KIAA0408: variants seen among roughly 807,000 people sequenced by gnomAD.
KIAA0408 encodes KIAA0408, also known as uncharacterized protein KIAA0408.
In KIAA0408, 51 loss-of-function variants were observed where a neutral mutation model predicts 60.9. The ratio of observed to expected loss-of-function variants is 0.84; its 90% CI spans 0.67 to 1.06. The LOEUF (loss-of-function observed/expected upper bound fraction) is 1.06. KIAA0408 is among the 50% of genes least tolerant of loss of function. KIAA0408 has a pLI of 0.00. For synonymous variants in KIAA0408, 304 were observed against 282.4 expected (o/e 1.08, Z -0.77); for missense variants, 787 against 833.9 (o/e 0.94, Z 0.69).
rs1773347598 is a variant in KIAA0408, at chr6:127,453,971, T to G, written c.11A>C (p.His4Pro). The G allele has an allele frequency of 6.2e-7, 1 of 1,612,420 alleles. No homozygotes were observed. The highest frequency in any genetic ancestry group is 8.5e-7 in the Non-Finnish European group (1 of 1,178,920). MDL[H>P]KQWENTETNW... is the part of the protein sequence containing the mutation. Reference sequence around the variant, plus strand: ...AGTCTCTGTGTTCTCCCACTGCTTATGTAGGTCCATGGCAACAGTGTAAGT... The same window carrying G: ...AGTCTCTGTGTTCTCCCACTGCTTAGGTAGGTCCATGGCAACAGTGTAAGT... Residue 4 changes from histidine to proline, a missense_variant, in exon 2 of 6, where the codon CAT (histidine) becomes CCT (proline). Coordinates refer to ENST00000483725, the MANE Select transcript of KIAA0408 (RefSeq NM_014702.5).
intron 1 of KIAA0408, among the ~76,000 whole-genome samples, chr6:127,456,101 A>G (rs1773387764): frequency 6.6e-6 from 1 of 152,190 alleles, no homozygotes; most frequent in South Asian, 2.1e-4. Context: ...CTTGCTGACT[A>G]GAAAGTATTT....
Position 127,447,678 on chromosome 6 carries a change from G to C in KIAA0408, c.641C>G (p.Pro214Arg). ...PNVTNIPHGD[P>R]MINNDQCILP... Reference sequence around the variant, plus strand: ...AATGCACTGGTCATTGTTGATCATGGGGTCCCCATGAGGTATATTAGTTAC... The same window carrying C: ...AATGCACTGGTCATTGTTGATCATGCGGTCCCCATGAGGTATATTAGTTAC... The change falls in exon 5 of 6, where the codon CCC becomes CGC. Residue 214 changes from proline (P) to arginine (R), a missense_variant. Pro to Arg is a moderately radical substitution (Grantham distance 103). Coordinates refer to ENST00000483725, the MANE Select transcript of KIAA0408 (RefSeq NM_014702.5). 6.3e-7 allele frequency: 1 copy of C among 1,593,918 alleles called. No homozygotes were observed. The highest frequency in any genetic ancestry group is 8.5e-7 in the Non-Finnish European group (1 of 1,173,906).
At chr6:127,452,511 A>G (rs528962903) in intron 2 of KIAA0408, among the ~76,000 whole-genome samples, 1 of 152,320 alleles carries the variant, frequency 6.6e-6, no homozygotes, top group African/African-American at 2.4e-5. Flanking sequence ...AATATTTACC[A>G]TAGATGAACT....
At position 127,444,184 on chromosome 6, in the gene KIAA0408, T is replaced by C; in HGVS notation, c.2010A>G (p.Pro670=). 1 of 1,613,682 alleles carries C rather than the reference T, an allele frequency of 6.2e-7. No homozygotes were observed. Among genetic ancestry groups the C allele is most frequent in the Non-Finnish European group, 8.5e-7 (1 of 1,179,770 alleles). The change falls in exon 6 of 6, where the codon CCA becomes CCG. Residue 670 remains proline (P), a synonymous_variant. Transcript: ENST00000483725. The part of the protein sequence containing the change: ...RLPSRWASRS[P]SAPPALRRTT... ...TTCTCCGCAAGGCAGGGGGTGCAGA[T>C]GGAGATCTGGATGCCCATCTGGAGG...
chr6:127,458,210 A>G (rs892594169), intron 1 of KIAA0408, among the ~76,000 whole-genome samples: 1 of 152,298 alleles, frequency 6.6e-6, no homozygotes, highest in Non-Finnish European at 1.5e-5. Flanking sequence ...TAAATTCTCT[A>G]TCCCTTTCTC....
chr6:127,446,541 G>T lies in KIAA0408; in HGVS notation c.1778C>A (p.Ser593Tyr). ...TAATGTGGCACCACCACTGACATCA[G>T]AATTACATTTGGTCCAATTATCCTG... The part of the protein sequence containing the change: ...CFQDNWTKCN[S>Y]DVSGGATLSQ... The change falls in exon 5 of 6, where the codon TCT (serine) becomes TAT (tyrosine). Residue 593 changes from serine (S) to tyrosine (Y), a missense_variant. Around this residue, in one of 3 missense-constraint regions of KIAA0408, gnomAD observed 14 missense variants for 33.4 expected, o/e 0.42. Transcript: ENST00000483725. The T allele has an allele frequency of 1.9e-6, 3 of 1,614,144 alleles. No homozygotes were observed. Among genetic ancestry groups the T allele is most frequent in the Non-Finnish European group, 2.5e-6 (3 of 1,180,012 alleles).
chr6:127,458,137 A>G (rs1205434194), intron 1 of KIAA0408, among the ~76,000 whole-genome samples: 1 of 152,206 alleles, frequency 6.6e-6, no homozygotes, highest in African/African-American at 2.4e-5. Context: ...GCTTCTGCTT[A>G]ACTTTGATGG....
rs1773275510 is a variant in KIAA0408 at position 127,450,114 on chromosome 6, G to A, written c.374C>T (p.Thr125Ile). 1 of 1,613,960 alleles carries A rather than the reference G, an allele frequency of 6.2e-7. No homozygotes were observed. Among genetic ancestry groups the A allele is most frequent in the African/African-American group, 1.3e-5 (1 of 75,004 alleles). ...GNQMCKEQKATKKSKVGFLDP... is the reference protein window; with the variant it reads ...GNQMCKEQKAIKKSKVGFLDP... ...CAAAAACCCTACTTTTGATTTTTTT[G>A]TTGCTTTTTGTTCCTTACACATTTG... is the stretch of plus-strand genomic sequence containing the variant. Residue 125 changes from threonine to isoleucine, a missense_variant, in exon 3 of 6, where the codon ACA becomes ATA. Thr to Ile is a moderately conservative substitution (Grantham distance 89). Coordinates refer to ENST00000483725, the MANE Select transcript of KIAA0408 (RefSeq NM_014702.5).
intron 4 of KIAA0408, among the ~76,000 whole-genome samples, chr6:127,449,387 C>T (rs1342065916): frequency 3.3e-5 from 5 of 152,042 alleles, no homozygotes; most frequent in East Asian, 1.9e-4. Flanking sequence ...TGGTGGCTCA[C>T]GCCTGTAATC....
Position 127,451,199 on chromosome 6 carries a change from CTA to C in KIAA0408, c.136-849_136-848del, listed in dbSNP as rs1384075748. 1.2e-5 allele frequency: 5 copies of C among 417,804 alleles called. 1 individual carries two copies. The highest frequency in any genetic ancestry group is 8.0e-5 in the Admixed American group (3 of 37,376). The allele number at this position is 417,804 out of a possible 1,614,324, so 25.9% of individuals were successfully genotyped here. Reference sequence around the variant, plus strand: ...CAGATGACTATCAAAGCAAATGACTCTATGTTTAACAGCCGCAATCAATATCT... The same window carrying C: ...CAGATGACTATCAAAGCAAATGACTCTGTTTAACAGCCGCAATCAATATCT... On this transcript the variant is annotated intron_variant, in intron 2 of 5. Transcript: ENST00000483725.
intron 2 of KIAA0408, among the ~76,000 whole-genome samples, chr6:127,453,543 AT>A (rs1773338532): frequency 6.6e-6 from 1 of 152,036 alleles, no homozygotes; most frequent in African/African-American, 2.4e-5. Flanking sequence ...TGGACCTGGT[AT>A]TTGAAAATTC....
rs754134766 is a variant in KIAA0408 at position 127,447,253 on chromosome 6, C to T, written c.1066G>A (p.Val356Ile). Residue 356 changes from valine (V) to isoleucine (I), a missense_variant, in exon 5 of 6, where the codon GTT becomes ATT. This residue lies in a region of KIAA0408 where 640 missense variants were observed against 681.3 expected (regional missense o/e 0.94). Transcript: ENST00000483725. Reference sequence around the variant, plus strand: ...TCACATGACCACATGCTAAGTCCAACATCTTCATTACTTGGAGGCTTGCTA... The same window carrying T: ...TCACATGACCACATGCTAAGTCCAATATCTTCATTACTTGGAGGCTTGCTA... ...IDSKPPSNED[V>I]GLSMWSCDIG... The T allele has an allele frequency of 1.2e-6, 2 of 1,613,854 alleles. No individual in the cohort carries two copies. Among genetic ancestry groups the T allele is most frequent in the East Asian group, 4.5e-5 (2 of 44,890 alleles).
rs1773194031 is a variant in KIAA0408 at position 127,446,393 on chromosome 6, T to C, written c.1911+15A>G. Reference sequence around the variant, plus strand: ...ATATGGATGCTACCAAATTATGTTATATTTGCTTTCTCACCTCTGTTATCT... The same window carrying C: ...ATATGGATGCTACCAAATTATGTTACATTTGCTTTCTCACCTCTGTTATCT... On this transcript the variant is annotated intron_variant, in intron 5 of 5. Coordinates refer to ENST00000483725, the MANE Select transcript of KIAA0408 (RefSeq NM_014702.5). The C allele has an allele frequency of 1.3e-6, 2 of 1,593,492 alleles. No individual in the cohort carries two copies. Among genetic ancestry groups the C allele is most frequent in the East Asian group, 2.2e-5 (1 of 44,544 alleles).
chr6:127,453,883 T>C lies in KIAA0408; in HGVS notation c.99A>G (p.Glu33=). Residue 33 remains glutamate, a synonymous_variant, in exon 2 of 6, where the codon GAA becomes GAG. Coordinates refer to ENST00000483725, the MANE Select transcript of KIAA0408 (RefSeq NM_014702.5). ...TCTTCTGCATAATCTTCCATTGACTTTCCCATTCCTTTCTTTCATTGTCAA... is the reference window on the plus strand; with the variant it reads ...TCTTCTGCATAATCTTCCATTGACTCTCCCATTCCTTTCTTTCATTGTCAA... ...DQFDNERKEW[E]SQWKIMQKKI... 2 of 1,612,886 alleles carry C rather than the reference T, an allele frequency of 1.2e-6. No homozygotes were observed. The highest frequency in any genetic ancestry group is 1.3e-5 in the African/African-American group (1 of 74,966).
chr6:127,446,281 G>T, intron 5 of KIAA0408, 127 bp downstream of exon 5: 1 of 1,457,246 alleles, frequency 6.9e-7, no homozygotes, highest in Admixed American at 2.3e-5. Flanking sequence ...TACAAACAGG[G>T]TCAAGAGGCT....
Position 127,447,147 on chromosome 6 carries a change from T to C in KIAA0408, c.1172A>G (p.Glu391Gly). 6.2e-7 allele frequency: 1 copy of C among 1,613,874 alleles called. No individual in the cohort carries two copies. The highest frequency in any genetic ancestry group is 8.5e-7 in the Non-Finnish European group (1 of 1,179,928). Residue 391 changes from glutamate to glycine, a missense_variant, in exon 5 of 6, where the codon GAA (glutamate) becomes GGA (glycine). Transcript: ENST00000483725. ...AGCAGGGTGATCTGGGATCACCATT[T>C]CATATTTTGGATTACTGGGGGTAGA... is the stretch of plus-strand genomic sequence containing the variant. ...TCSTPSNPKY[E>G]MVIPDHPAKS... is the part of the protein sequence containing the mutation.
chr6:127,448,582 G>T (rs1004884116), intron 4 of KIAA0408, among the ~76,000 whole-genome samples: 2 of 143,306 alleles, frequency 1.4e-5, no homozygotes, highest in African/African-American at 4.9e-5. Flanking sequence ...ACTAAATATC[G>T]CAATTCAAAC....
rs767669658 is a variant in KIAA0408 at position 127,447,392 on chromosome 6, G to GA, written c.926_927insT (p.Asn310GlnfsTer18). On this transcript the variant is annotated frameshift_variant, in exon 5 of 6. Coordinates refer to ENST00000483725, the MANE Select transcript of KIAA0408 (RefSeq NM_014702.5). LOFTEE classifies it high-confidence loss of function. ...GTTGTCTCAAAGGGAAGTGAGGGTTGTAATTCCTTTTACTTCGACCCTCAT... is the reference window on the plus strand; with the variant it reads ...GTTGTCTCAAAGGGAAGTGAGGGTTGATAATTCCTTTTACTTCGACCCTCAT... The GA allele has an allele frequency of 1.2e-6, 2 of 1,612,924 alleles. No homozygotes were observed. Among genetic ancestry groups the GA allele is most frequent in the South Asian group, 2.2e-5 (2 of 90,828 alleles).
At chr6:127,447,865 A>G in intron 4 of KIAA0408, 125 bp from the exon 5 acceptor site, 1 of 1,216,606 alleles carries the variant, frequency 8.2e-7, no homozygotes, top group Admixed American at 3.3e-5. Context: ...CTCATACATC[A>G]TTTTTACATA....
Sources: allele counts gnomAD v4.1 joint callset (sites outside exome capture counted in the v4.1 genomes callset), GRCh38; gene constraint gnomAD v4.1.1; regional missense constraint gnomAD v4.1.1; transcripts MANE v1.5; gene names NCBI Gene and HGNC (gene_info 2026-07-23, HGNC 2026-07-21).